GAP43: variants seen among roughly 807,000 people sequenced by gnomAD.
GAP43 encodes neuromodulin.
GAP43 carries 6 observed loss-of-function variants against 18.6 expected under a neutral mutation model. The ratio of observed to expected loss-of-function variants is 0.32; its 90% CI spans 0.18 to 0.64. The LOEUF is 0.64. Ranked by LOEUF, GAP43 falls within the 30% of genes least tolerant of loss-of-function variation. GAP43 has a pLI of 0.78. For synonymous variants in GAP43, 115 were observed against 111.4 expected, an observed-to-expected ratio of 1.03 and a Z score of -0.20; for missense variants, 292 against 295.5, an observed-to-expected ratio of 0.99 and a Z score of 0.09.
chr3:115,687,671 T>C (rs566474621), intron 2 of GAP43, among the ~76,000 whole-genome samples: 234 of 152,254 alleles, frequency 1.5e-3, no homozygotes, highest in South Asian at 3.1e-3. Context: ...AAGGATTGGG[T>C]TCCTAGGATT....
At chr3:115,696,584 C>CG (rs1413792869) in intron 2 of GAP43, among the ~76,000 whole-genome samples, 7 of 120,750 alleles carry the variant, frequency 5.8e-5, no homozygotes, top group African/African-American at 1.7e-4. Context: ...CACCGCCCCC[C>CG]CCCCCCACAA....
intron 1 of GAP43, among the ~76,000 whole-genome samples, chr3:115,662,707 A>G (rs1419489511): frequency 6.6e-6 from 1 of 152,134 alleles, no homozygotes; most frequent in Non-Finnish European, 1.5e-5. Context: ...AAAGCTCCCC[A>G]TTGTTGGAGT....
At chr3:115,683,711 A>G (rs1015556532) in intron 2 of GAP43, among the ~76,000 whole-genome samples, 13 of 152,208 alleles carry the variant, frequency 8.5e-5, no homozygotes, top group African/African-American at 3.1e-4. Flanking sequence ...TTGGATGCTT[A>G]TGTAGAGCAA....
intron 1 of GAP43, among the ~76,000 whole-genome samples, chr3:115,641,245 T>G (rs964241528): frequency 1.3e-5 from 2 of 151,766 alleles, no homozygotes; most frequent in African/African-American, 4.8e-5. Context: ...CTTCATAAAA[T>G]CATTTTAAAC....
chr3:115,652,631 C>T lies in GAP43; in HGVS notation c.31-23382C>T, dbSNP rs373780088. Among the ~76,000 whole-genome samples the T allele has an allele frequency of 4.5e-4, 68 of 152,180 alleles. No homozygotes were observed. The East Asian group carries it at 4.6e-3, about 10-fold the overall frequency. On this transcript the variant is annotated intron_variant, in intron 1 of 2. Transcript: ENST00000305124. ...AAACTCCTAAGTTCAAGTGATCCTC[C>T]CACCCCAGCCTCACAAAGCACTGGG...
chr3:115,636,557 T>C (rs1337120423), intron 1 of GAP43, among the ~76,000 whole-genome samples: 1 of 152,074 alleles, frequency 6.6e-6, no homozygotes, highest in Non-Finnish European at 1.5e-5. Flanking sequence ...AGTCACTCAT[T>C]TTCATGTTCT....
chr3:115,714,492 G>A lies in GAP43; in HGVS notation c.629-6302G>A, dbSNP rs150932577. ...TTGAGACTAAATCGTGGCACAGCAAGAGTATTTAATCAACTTCATTAAATA... is the reference window on the plus strand; with the variant it reads ...TTGAGACTAAATCGTGGCACAGCAAAAGTATTTAATCAACTTCATTAAATA... On this transcript the variant is annotated intron_variant, in intron 2 of 2. Transcript: ENST00000305124. 1.4e-3 allele frequency among the ~76,000 whole-genome samples: 217 copies of A among 152,226 alleles called. 1 individual carries two copies. The highest frequency in any genetic ancestry group is 5.1e-3 in the African/African-American group (212 of 41,548).
At chr3:115,653,271 C>A (rs1187129110) in intron 1 of GAP43, among the ~76,000 whole-genome samples, 1 of 152,034 alleles carries the variant, frequency 6.6e-6, no homozygotes. Flanking sequence ...GAAACCCTGT[C>A]TCTACTAAAA....
chr3:115,625,560 G>A (rs1576973467), intron 1 of GAP43, among the ~76,000 whole-genome samples: 1 of 152,130 alleles, frequency 6.6e-6, no homozygotes, highest in Middle Eastern at 3.4e-3. Flanking sequence ...CTTTAATTTT[G>A]GAAAGAAAAA....
At chr3:115,680,225 C>T (rs1416612673) in intron 2 of GAP43, among the ~76,000 whole-genome samples, 2 of 151,948 alleles carry the variant, frequency 1.3e-5, no homozygotes, top group Non-Finnish European at 2.9e-5. Flanking sequence ...TTTGGGAGAC[C>T]GAGGCAGGAG....
intron 1 of GAP43, among the ~76,000 whole-genome samples, chr3:115,674,078 G>A (rs1708848584): frequency 6.6e-6 from 1 of 152,208 alleles, no homozygotes; most frequent in Admixed American, 6.5e-5. Flanking sequence ...GGGCAGAGCT[G>A]GTTTGACAGG....
chr3:115,631,486 T>A (rs1708259518), intron 1 of GAP43, among the ~76,000 whole-genome samples: 1 of 152,236 alleles, frequency 6.6e-6, no homozygotes, highest in Non-Finnish European at 1.5e-5. Context: ...AATGTAAGTA[T>A]TATTAATTAA....
intron 1 of GAP43, among the ~76,000 whole-genome samples, chr3:115,626,762 GC>G (rs1387222412): frequency 1.3e-5 from 2 of 152,034 alleles, no homozygotes; most frequent in African/African-American, 2.4e-5. Flanking sequence ...CTACTCCCCA[GC>G]CCCCCATCCA....
Position 115,680,198 on chromosome 3 carries a change from G to A in GAP43, c.628+3588G>A, listed in dbSNP as rs562332168. 1.8e-4 allele frequency among the ~76,000 whole-genome samples: 28 copies of A among 152,260 alleles called. No individual in the cohort carries two copies. The South Asian group carries it at 5.2e-3, about 28-fold the overall frequency. Reference sequence around the variant, plus strand: ...TTTTTGTCCAGGTGCGGTGGCTCATGCCTGTAATCCCAGCACTTTGGGAGA... The same window carrying A: ...TTTTTGTCCAGGTGCGGTGGCTCATACCTGTAATCCCAGCACTTTGGGAGA... On this transcript the variant is annotated intron_variant, in intron 2 of 2. Transcript: ENST00000305124.
chr3:115,669,985 AT>A (rs1246327926), intron 1 of GAP43, among the ~76,000 whole-genome samples: 7,310 of 109,846 alleles, frequency 0.067, 405 homozygotes, highest in African/African-American at 0.17. Context: ...TTTTTTTTTA[AT>A]TTTTTTTTTA....
chr3:115,673,107 A>G (rs1708835723), intron 1 of GAP43, among the ~76,000 whole-genome samples: 1 of 152,170 alleles, frequency 6.6e-6, no homozygotes, highest in Non-Finnish European at 1.5e-5. Flanking sequence ...TTGTCTCACA[A>G]TCTTGGCACC....
chr3:115,692,141 T>G (rs1283142241), intron 2 of GAP43, among the ~76,000 whole-genome samples: 1 of 152,214 alleles, frequency 6.6e-6, no homozygotes, highest in African/African-American at 2.4e-5. Context: ...CTGGGACCAC[T>G]GCACAAAAAT....
intron 1 of GAP43, among the ~76,000 whole-genome samples, chr3:115,634,587 T>C (rs1222754659): frequency 6.6e-6 from 1 of 151,894 alleles, no homozygotes; most frequent in Non-Finnish European, 1.5e-5. Context: ...CTGGGAAACA[T>C]AGTGAGACCT....
chr3:115,675,758 CAAAAAAAAAAAA>C (rs67744380), intron 1 of GAP43, among the ~76,000 whole-genome samples: 7 of 50,556 alleles, frequency 1.4e-4, no homozygotes, highest in South Asian at 1.3e-3. Flanking sequence ...GACTCTATCT[CAAAAAAAAAAAA>C]AAAAAAAAAA....
Sources: gnomAD v4.1 joint callset for allele counts (sites outside exome capture counted in the v4.1 genomes callset) on GRCh38, gnomAD v4.1.1 for gene constraint, MANE v1.5 for transcripts, NCBI Gene and HGNC (gene_info 2026-07-23, HGNC 2026-07-21) for gene names.